The following LRTM1 variants were observed in gnomAD, a reference collection of about 807,000 sequenced individuals.
LRTM1 encodes the protein leucine-rich repeat and transmembrane domain-containing protein 1.
A neutral mutation model predicts 32.4 loss-of-function variants in LRTM1; 38 were observed. That is an observed-to-expected ratio of 1.17 (90% CI 0.91 to 1.54). The LOEUF is 1.54. Ranked by LOEUF, LRTM1 falls within the 40% of genes most tolerant of loss-of-function variation. The pLI is 0.00. For synonymous variants in LRTM1, 186 were observed against 169.9 expected, an observed-to-expected ratio of 1.09 and a Z score of -0.74; for missense variants, 466 against 415.4, an observed-to-expected ratio of 1.12 and a Z score of -1.06.
chr3:54,928,355 G>T (rs1701088205), upstream of LRTM1, among the ~76,000 whole-genome samples: 1 of 152,098 alleles, frequency 6.6e-6, no homozygotes, highest in East Asian at 1.9e-4. Context: ...TCTTAATCCG[G>T]CTGTGGCTTC....
chr3:54,921,657 G>T (rs552948492), intron 2 of LRTM1, among the ~76,000 whole-genome samples: 7 of 152,034 alleles, frequency 4.6e-5, no homozygotes, highest in Admixed American at 1.3e-4. Context: ...TAAAGCCCCC[G>T]TGTAATCCGC....
At chr3:54,954,204 G>C (rs1350325513) in intron 1 of LRTM1, among the ~76,000 whole-genome samples, 1 of 152,202 alleles carries the variant, frequency 6.6e-6, no homozygotes, top group Non-Finnish European at 1.5e-5. Flanking sequence ...TCCAGGCACA[G>C]GTCAGTGCTA....
At chr3:54,962,874 T>C (rs1319444152) in intron 1 of LRTM1, among the ~76,000 whole-genome samples, 1 of 152,202 alleles carries the variant, frequency 6.6e-6, no homozygotes, top group South Asian at 2.1e-4. Flanking sequence ...CCCTCTAGTA[T>C]GTTGCAAGTT....
In LRTM1 at chr3:54,918,612, CACAACGCCAGTGATGATG is replaced by C; in HGVS notation, c.867_884del (p.Ile290_Val295del). The C allele has an allele frequency of 6.2e-7, 1 of 1,614,166 alleles. No homozygotes were observed. The highest frequency in any genetic ancestry group is 8.5e-7 in the Non-Finnish European group (1 of 1,180,030). On this transcript the variant is annotated inframe_deletion, in exon 3 of 3. Coordinates refer to ENST00000273286, the MANE Select transcript of LRTM1 (RefSeq NM_020678.4). ...ACATCATGAGACACACAATCCCACACACAACGCCAGTGATGATGACAGTGGCAATGGCATGACGCAGGT... is the reference window on the plus strand; with the variant it reads ...ACATCATGAGACACACAATCCCACACACAGTGGCAATGGCATGACGCAGGT...
chr3:54,918,343 T>TC lies in LRTM1; in HGVS notation c.*115_*116insG. On this transcript the variant is annotated 3_prime_UTR_variant, in exon 3 of 3. Transcript: ENST00000273286. ...CATCTTTTTTTTTTCTTTTTTTTTTTTTTTTTTTTTTTGTCTTTTGGCAAA... is the reference window on the plus strand; with the variant it reads ...CATCTTTTTTTTTTCTTTTTTTTTTTCTTTTTTTTTTTTGTCTTTTGGCAAA... 1 of 381,346 alleles carries TC rather than the reference T, an allele frequency of 2.6e-6. No individual in the cohort carries two copies. Among genetic ancestry groups the TC allele is most frequent in the East Asian group, 5.4e-5 (1 of 18,468 alleles). The allele number at this position is 381,346 out of a possible 1,614,324, so 23.6% of individuals were successfully genotyped here.
At chr3:54,965,012 C>A (rs537123893) in intron 1 of LRTM1, among the ~76,000 whole-genome samples, 1 of 152,024 alleles carries the variant, frequency 6.6e-6, no homozygotes, top group Admixed American at 6.6e-5. Context: ...CCTGCCACTT[C>A]GATACTAAAG....
intron 1 of LRTM1, among the ~76,000 whole-genome samples, chr3:54,966,581 G>T (rs933529345): frequency 6.6e-6 from 1 of 152,204 alleles, no homozygotes; most frequent in Non-Finnish European, 1.5e-5. Context: ...CACTTTGGGA[G>T]GTTGAGGCAG....
chr3:54,933,877 T>A (rs1701267133), intron 1 of LRTM1, among the ~76,000 whole-genome samples: 1 of 151,810 alleles, frequency 6.6e-6, no homozygotes, highest in Non-Finnish European at 1.5e-5. Context: ...CAAGCAATTC[T>A]CCTGCCTCAG....
intron 1 of LRTM1, among the ~76,000 whole-genome samples, chr3:54,943,203 T>TAAAAAAAAAAA (rs34708598): frequency 3.7e-4 from 52 of 142,146 alleles, no homozygotes; most frequent in African/African-American, 1.3e-3. Flanking sequence ...CTATCTCTGG[T>TAAAAAAAAAAA]AAAAAAAAAA....
chr3:54,959,922 G>A (rs937982539), intron 1 of LRTM1, among the ~76,000 whole-genome samples: 1 of 152,020 alleles, frequency 6.6e-6, no homozygotes, highest in Admixed American at 6.5e-5. Context: ...TTACCTCAAG[G>A]GTGAAAAGAA....
upstream of LRTM1, among the ~76,000 whole-genome samples, chr3:54,933,033 TTCCATCCA>T (rs140054701): frequency 6.8e-6 from 1 of 146,910 alleles, no homozygotes; most frequent in Non-Finnish European, 1.5e-5. Flanking sequence ...TAATATTGTC[TTCCATCCA>T]TCCATCCCTC....
chr3:54,965,232 T>C (rs747161490), intron 1 of LRTM1, among the ~76,000 whole-genome samples: 37 of 126,914 alleles, frequency 2.9e-4, no homozygotes, highest in Non-Finnish European at 2.7e-4. Context: ...ATTGGACCAA[T>C]CTCTGGCCTA....
upstream of LRTM1, among the ~76,000 whole-genome samples, chr3:54,932,745 G>A (rs1412454800): frequency 6.6e-6 from 1 of 152,136 alleles, no homozygotes; most frequent in Admixed American, 6.5e-5. Context: ...TAAAGTCATG[G>A]CCAAGTGCTC....
upstream of LRTM1, among the ~76,000 whole-genome samples, chr3:54,931,634 GGAGCTAGCT>G (rs1701194348): frequency 6.6e-6 from 1 of 152,140 alleles, no homozygotes; most frequent in Non-Finnish European, 1.5e-5. Context: ...TTCCCACATG[GGAGCTAGCT>G]GCAGATGCAC....
intron 1 of LRTM1, among the ~76,000 whole-genome samples, chr3:54,963,916 A>G (rs1217370460): frequency 6.6e-6 from 1 of 152,220 alleles, no homozygotes; most frequent in Non-Finnish European, 1.5e-5. Context: ...TCTGGAAGGA[A>G]GATACTTTGT....
intron 1 of LRTM1, among the ~76,000 whole-genome samples, chr3:54,951,652 A>T (rs1701760684): frequency 6.6e-6 from 1 of 150,404 alleles, no homozygotes; most frequent in African/African-American, 2.5e-5. Context: ...CTCCAGTCCC[A>T]GTTCCAAGAA....
Position 54,960,132 on chromosome 3 carries a change from A to C in LRTM1, c.-222+6796T>G, listed in dbSNP as rs185664188. Among the ~76,000 whole-genome samples, 20 of 151,978 alleles carry C rather than the reference A, an allele frequency of 1.3e-4. No homozygotes were observed. In the East Asian group the frequency reaches 3.9e-3, roughly 29 times the overall value. On this transcript the variant is annotated intron_variant, in intron 1 of 2. Transcript: ENST00000493075. Reference sequence around the variant, plus strand: ...AAAGAAATGTGTGGCCAAATGGATCAGGCCTTCCTACACTGGTTCCCAGAA... The same window carrying C: ...AAAGAAATGTGTGGCCAAATGGATCCGGCCTTCCTACACTGGTTCCCAGAA...
At chr3:54,965,890 G>A (rs1042251404) in intron 1 of LRTM1, among the ~76,000 whole-genome samples, 1 of 152,112 alleles carries the variant, frequency 6.6e-6, no homozygotes, top group South Asian at 2.1e-4. Flanking sequence ...TCTAGTTCAG[G>A]GCATCAGGAC....
At chr3:54,945,181 C>T (rs1701581809) in intron 1 of LRTM1, among the ~76,000 whole-genome samples, 1 of 152,198 alleles carries the variant, frequency 6.6e-6, no homozygotes, top group African/African-American at 2.4e-5. Flanking sequence ...CCCCTCCTCC[C>T]TCCCTCATCT....
Sources: allele counts gnomAD v4.1 joint callset (sites outside exome capture counted in the v4.1 genomes callset), GRCh38; gene constraint gnomAD v4.1.1; transcripts MANE v1.5; gene names NCBI Gene and HGNC (gene_info 2026-07-23, HGNC 2026-07-21).